Variants in ARHGAP28 observed in about 807,000 individuals in gnomAD.
ARHGAP28 encodes rho GTPase-activating protein 28.
Under a neutral mutation model 90.7 loss-of-function variants are expected in ARHGAP28, and 56 were observed. The observed-to-expected ratio is 0.62, with a 90% CI of 0.50 to 0.77. The LOEUF (loss-of-function observed/expected upper bound fraction) is 0.77. Ranked by LOEUF, ARHGAP28 falls within the 30% of genes least tolerant of loss-of-function variation. ARHGAP28 has a pLI of 0.00. For synonymous variants in ARHGAP28, 308 were observed against 323.3 expected (o/e 0.95, Z 0.51); for missense variants, 869 against 900.9 (o/e 0.96, Z 0.45).
At chr18:6,783,899 T>C (rs890387195) in intron 1 of ARHGAP28, among the ~76,000 whole-genome samples, 2 of 152,206 alleles carry the variant, frequency 1.3e-5, no homozygotes, top group Non-Finnish European at 2.9e-5. Context: ...GTTCCAGCTT[T>C]AAAGTTCTCT....
chr18:6,816,721 C>G (rs887276339), intron 1 of ARHGAP28, among the ~76,000 whole-genome samples: 1 of 152,094 alleles, frequency 6.6e-6, no homozygotes, highest in Non-Finnish European at 1.5e-5. Context: ...AGTTTAACTC[C>G]GTAATGTACT....
At chr18:6,861,169 C>T (rs1302207925) in intron 5 of ARHGAP28, among the ~76,000 whole-genome samples, 3 of 152,208 alleles carry the variant, frequency 2.0e-5, no homozygotes, top group Admixed American at 2.0e-4. Context: ...CCTTTATCTT[C>T]CACCACAGCT....
chr18:6,849,618 A>G (rs2056894000), intron 3 of ARHGAP28, among the ~76,000 whole-genome samples: 1 of 152,208 alleles, frequency 6.6e-6, no homozygotes. Context: ...GTGAGTATCA[A>G]GATGCTAGGC....
chr18:6,855,377 G>T (rs2056944686), intron 4 of ARHGAP28, among the ~76,000 whole-genome samples: 1 of 152,164 alleles, frequency 6.6e-6, no homozygotes, highest in South Asian at 2.1e-4. Flanking sequence ...GATTCAGCCA[G>T]TCACACAGAC....
At chr18:6,907,521 G>A (rs1258395223) in intron 16 of ARHGAP28, among the ~76,000 whole-genome samples, 1 of 150,340 alleles carries the variant, frequency 6.7e-6, no homozygotes, top group Non-Finnish European at 1.5e-5. Context: ...AGGGATTTAT[G>A]CCAAGTGGGG....
intron 1 of ARHGAP28, among the ~76,000 whole-genome samples, chr18:6,823,147 G>A (rs1404505641): frequency 6.6e-6 from 1 of 152,082 alleles, no homozygotes; most frequent in East Asian, 1.9e-4. Flanking sequence ...AGACAAGAAG[G>A]CAAGCTTGGA....
In ARHGAP28 at chr18:6,839,459, A is replaced by G. The variant is rs755851318; in HGVS notation, c.543+2045A>G. The stretch of plus-strand genomic sequence containing the variant: ...TAGGCGCCAGCCACCACGCCTGGCT[A>G]ATTTTGTTTTTCTATTTGTAGTAGA... On this transcript the variant is annotated intron_variant, in intron 3 of 17. Transcript: ENST00000383472. Among the ~76,000 whole-genome samples the G allele has an allele frequency of 8.6e-5, 13 of 151,870 alleles. No individual in the cohort carries two copies. The South Asian group carries it at 2.5e-3, about 29-fold the overall frequency.
chr18:6,885,945 A>T (rs967169392), intron 11 of ARHGAP28, among the ~76,000 whole-genome samples: 5 of 152,128 alleles, frequency 3.3e-5, no homozygotes, highest in Non-Finnish European at 7.4e-5. Flanking sequence ...GCAAGCTCAC[A>T]GCAATGTGTA....
chr18:6,784,398 G>A (rs887923893), intron 1 of ARHGAP28, among the ~76,000 whole-genome samples: 1 of 152,122 alleles, frequency 6.6e-6, no homozygotes, highest in Admixed American at 6.6e-5. Context: ...TTGGGTTTAC[G>A]CGTTCTGAAT....
intron 4 of ARHGAP28, among the ~76,000 whole-genome samples, chr18:6,859,234 T>G (rs1330469543): frequency 2.0e-5 from 3 of 152,160 alleles, no homozygotes; most frequent in African/African-American, 7.2e-5. Flanking sequence ...TTGGAGTTGT[T>G]TTGCTTCACA....
At chr18:6,798,533 C>T (rs1029094286) in intron 1 of ARHGAP28, among the ~76,000 whole-genome samples, 42 of 152,244 alleles carry the variant, frequency 2.8e-4, no homozygotes, top group African/African-American at 9.4e-4. Context: ...TTCTGAAATA[C>T]GTTTCTTCAA....
At chr18:6,732,332 G>A (rs931631391) in intron 1 of ARHGAP28, among the ~76,000 whole-genome samples, 3 of 152,252 alleles carry the variant, frequency 2.0e-5, no homozygotes, top group Admixed American at 2.0e-4. Flanking sequence ...GGCCAGCAAC[G>A]TGTTAGGCAT....
chr18:6,868,808 TC>T (rs1463438724), intron 6 of ARHGAP28, among the ~76,000 whole-genome samples: 1 of 152,126 alleles, frequency 6.6e-6, no homozygotes, highest in Non-Finnish European at 1.5e-5. Flanking sequence ...TGTGCTTTTT[TC>T]AGCATTGGCT....
rs1170505272 is a variant in ARHGAP28, at chr18:6,883,675, T to C, written c.1453+1376T>C. 2.0e-5 allele frequency among the ~76,000 whole-genome samples: 3 copies of C among 152,160 alleles called. 1 individual carries two copies. The highest frequency in any genetic ancestry group is 6.5e-5 in the Admixed American group (1 of 15,284). On this transcript the variant is annotated intron_variant, in intron 11 of 17. Coordinates refer to ENST00000383472, the MANE Select transcript of ARHGAP28 (RefSeq NM_001366230.1). Reference sequence around the variant, plus strand: ...ATGAAAGAAAATAATAGATCCTAAGTTGTATGGCAAAATTTGTCCTAAAAA... The same window carrying C: ...ATGAAAGAAAATAATAGATCCTAAGCTGTATGGCAAAATTTGTCCTAAAAA...
intron 3 of ARHGAP28, among the ~76,000 whole-genome samples, chr18:6,839,594 G>GC (rs1567965583): frequency 6.6e-6 from 1 of 152,174 alleles, no homozygotes; most frequent in Non-Finnish European, 1.5e-5. Context: ...ACTGCGCCCG[G>GC]CCATAATTTT....
intron 16 of ARHGAP28, among the ~76,000 whole-genome samples, chr18:6,907,940 A>G (rs1052927241): frequency 6.6e-6 from 1 of 152,180 alleles, no homozygotes; most frequent in Non-Finnish European, 1.5e-5. Flanking sequence ...TCTTCCTCAC[A>G]GTGGAGAGGC....
chr18:6,828,363 G>A (rs907485907), intron 2 of ARHGAP28, among the ~76,000 whole-genome samples: 9 of 151,954 alleles, frequency 5.9e-5, no homozygotes, highest in South Asian at 2.1e-4. Context: ...GAGGGAGACC[G>A]TGGGGAGAGG....
At chr18:6,792,785 T>G (rs1301267424) in intron 1 of ARHGAP28, among the ~76,000 whole-genome samples, 1 of 152,216 alleles carries the variant, frequency 6.6e-6, no homozygotes, top group African/African-American at 2.4e-5. Flanking sequence ...TGTGACTACA[T>G]AAATTGCTCC....
At chr18:6,786,437 G>A (rs1418530924) in intron 1 of ARHGAP28, among the ~76,000 whole-genome samples, 2 of 152,120 alleles carry the variant, frequency 1.3e-5, no homozygotes, top group East Asian at 3.9e-4. Flanking sequence ...TGAGAACCCA[G>A]TGGAGAAGAG....
Sources: gnomAD v4.1 joint callset for allele counts (sites outside exome capture counted in the v4.1 genomes callset) on GRCh38, gnomAD v4.1.1 for gene constraint, MANE v1.5 for transcripts, NCBI Gene and HGNC (gene_info 2026-07-23, HGNC 2026-07-21) for gene names.